The following OPCML variants were observed in gnomAD, a reference collection of about 807,000 sequenced individuals.
OPCML encodes opioid-binding protein/cell adhesion molecule.
A neutral mutation model predicts 37.8 loss-of-function variants in OPCML; 13 were observed. The ratio of observed to expected loss-of-function variants is 0.34; its 90% CI spans 0.22 to 0.55. The LOEUF (loss-of-function observed/expected upper bound fraction) is 0.55. Among genes scored for constraint, OPCML ranks in the 20% least tolerant of loss-of-function variants. The pLI is 0.91. For missense variants in OPCML, 341 were observed against 435.6 expected (o/e 0.78, Z 1.93); for synonymous variants, 176 against 168.8 (o/e 1.04, Z -0.33).
chr11:132,535,616 C>T (rs887815025), intron 3 of OPCML, among the ~76,000 whole-genome samples: 11 of 152,186 alleles, frequency 7.2e-5, no homozygotes, highest in Admixed American at 5.2e-4. Context: ...AAGGAACTGA[C>T]GTGTGCCCAT....
At chr11:132,534,636 A>G (rs1232402298) in intron 3 of OPCML, among the ~76,000 whole-genome samples, 2 of 152,192 alleles carry the variant, frequency 1.3e-5, no homozygotes, top group Admixed American at 1.3e-4. Flanking sequence ...CGGAAGTGAG[A>G]GGCCAGGGAA....
intron 2 of OPCML, among the ~76,000 whole-genome samples, chr11:132,921,247 G>A (rs1274103888): frequency 1.3e-5 from 2 of 152,152 alleles, no homozygotes; most frequent in Non-Finnish European, 2.9e-5. Flanking sequence ...TGGAAGACAA[G>A]TTCGCCTCCC....
chr11:133,025,200 T>A (rs903782216), intron 1 of OPCML: 4 of 598,416 alleles, frequency 6.7e-6, no homozygotes, highest in Non-Finnish European at 8.4e-6. Context: ...TGGGGTGACT[T>A]ATTCTATAGT....
intron 2 of OPCML, among the ~76,000 whole-genome samples, chr11:132,850,968 A>G (rs115723901): frequency 0.017 from 2,605 of 152,330 alleles, 71 homozygotes; most frequent in African/African-American, 0.06. Context: ...TGGGGCCCAT[A>G]GGCCCCCATG....
At chr11:132,980,782 T>C (rs575953421) in intron 1 of OPCML, among the ~76,000 whole-genome samples, 39 of 152,130 alleles carry the variant, frequency 2.6e-4, no homozygotes, top group Non-Finnish European at 5.0e-4. Context: ...GGCCCAAGGG[T>C]TTCCCTTCAA....
chr11:132,548,611 T>C (rs142937809), intron 3 of OPCML, among the ~76,000 whole-genome samples: 1 of 152,148 alleles, frequency 6.6e-6, no homozygotes, highest in Non-Finnish European at 1.5e-5. Context: ...AGGAATAAGC[T>C]CTCCTCTACC....
intron 1 of OPCML, among the ~76,000 whole-genome samples, chr11:133,112,430 A>G (rs1197154749): frequency 6.6e-6 from 1 of 152,186 alleles, no homozygotes; most frequent in Non-Finnish European, 1.5e-5. Context: ...TGACAGATGA[A>G]AAATTAGTAG....
At chr11:133,148,127 T>A (rs1226059718) in intron 1 of OPCML, among the ~76,000 whole-genome samples, 1 of 152,156 alleles carries the variant, frequency 6.6e-6, no homozygotes, top group Non-Finnish European at 1.5e-5. Flanking sequence ...CTCAAAATGC[T>A]AAACTCCTAT....
At chr11:132,668,838 C>A in intron 2 of OPCML, among the ~76,000 whole-genome samples, 1 of 152,248 alleles carries the variant, frequency 6.6e-6, no homozygotes, top group Non-Finnish European at 1.5e-5. Flanking sequence ...CTTCTAGTAA[C>A]ATTTTCTGTT....
chr11:133,484,079 TA>T (rs1387969155), intron 1 of OPCML, among the ~76,000 whole-genome samples: 2,831 of 141,020 alleles, frequency 0.02, 105 homozygotes, highest in African/African-American at 0.081. Flanking sequence ...GATAGATAGA[TA>T]GATTCATAGA....
At chr11:132,858,648 G>GT (rs1408745699) in intron 2 of OPCML, among the ~76,000 whole-genome samples, 2 of 152,102 alleles carry the variant, frequency 1.3e-5, no homozygotes, top group Admixed American at 1.3e-4. Flanking sequence ...CCTGACTCTG[G>GT]TAGCAGCATT....
At chr11:132,535,588 G>C (rs2096338494) in intron 3 of OPCML, among the ~76,000 whole-genome samples, 10 of 152,172 alleles carry the variant, frequency 6.6e-5, no homozygotes, top group Non-Finnish European at 1.5e-5. Flanking sequence ...ACAGCTCTGA[G>C]GTAGACAGGA....
At chr11:133,069,729 C>G (rs1948495195) in intron 1 of OPCML, among the ~76,000 whole-genome samples, 1 of 152,190 alleles carries the variant, frequency 6.6e-6, no homozygotes, top group Admixed American at 6.5e-5. Flanking sequence ...TTTCTGCAAG[C>G]CTGGGTGGTA....
At chr11:133,061,957 T>C (rs1948350406) in intron 1 of OPCML, among the ~76,000 whole-genome samples, 1 of 152,244 alleles carries the variant, frequency 6.6e-6, no homozygotes, top group Admixed American at 6.5e-5. Context: ...AGGAAGCCCA[T>C]TGGATGGGGG....
chr11:133,171,411 G>A lies in OPCML; in HGVS notation c.62-228401C>T, dbSNP rs57222597. Among the ~76,000 whole-genome samples, 1,440 of 152,256 alleles carry A rather than the reference G, an allele frequency of 9.5e-3. 15 individuals are homozygous for A. The highest frequency in any genetic ancestry group is 0.031 in the African/African-American group (1,280 of 41,540). On this transcript the variant is annotated intron_variant, in intron 1 of 7. Transcript: ENST00000524381. ...ACTCTATGACCCCTGAAGGGCAACC[G>A]TGTGCCACATCAGTCCCCTCTCAGC...
chr11:133,435,751 A>G (rs934276935), intron 1 of OPCML, among the ~76,000 whole-genome samples: 5 of 152,228 alleles, frequency 3.3e-5, no homozygotes, highest in Admixed American at 2.6e-4. Flanking sequence ...TATCTCTGAC[A>G]TTATCTCTGA....
chr11:132,635,616 T>TCTAG (rs1940444499), intron 3 of OPCML, among the ~76,000 whole-genome samples: 1 of 150,628 alleles, frequency 6.6e-6, no homozygotes, highest in Non-Finnish European at 1.5e-5. Flanking sequence ...TTGACCAAAC[T>TCTAG]CTAGCTGACA....
intron 1 of OPCML, among the ~76,000 whole-genome samples, chr11:133,241,718 C>T (rs888720310): frequency 6.6e-6 from 1 of 152,162 alleles, no homozygotes; most frequent in Non-Finnish European, 1.5e-5. Context: ...TCCCAAGATC[C>T]GAAGGGAAGA....
intron 3 of OPCML, among the ~76,000 whole-genome samples, chr11:132,653,994 G>A (rs1476981222): frequency 6.6e-6 from 1 of 152,182 alleles, no homozygotes; most frequent in Non-Finnish European, 1.5e-5. Context: ...TCTTCCAAAA[G>A]CTTTCTACTC....
Sources: allele counts gnomAD v4.1 joint callset (sites outside exome capture counted in the v4.1 genomes callset), GRCh38; gene constraint gnomAD v4.1.1; transcripts MANE v1.5; gene names NCBI Gene and HGNC (gene_info 2026-07-23, HGNC 2026-07-21).